Variants in CELF2 observed in about 807,000 individuals in gnomAD.
CELF2 encodes the protein CUG triplet repeat RNA-binding protein 2.
In CELF2, 8 loss-of-function variants were observed where a neutral mutation model predicts 62.6. The observed-to-expected ratio is 0.13, with a 90% CI of 0.07 to 0.23. CELF2 has a LOEUF of 0.23. Among genes scored for constraint, CELF2 ranks in the 10% least tolerant of loss-of-function variants. The pLI is 1.00. For synonymous variants in CELF2, 258 were observed against 250.0 expected (o/e 1.03, Z -0.30); for missense variants, 333 against 671.0 (o/e 0.50, Z 5.56).
chr10:11,039,469 C>T lies in CELF2; in HGVS notation c.74+21306C>T, dbSNP rs2139378876. Among the ~76,000 whole-genome samples, 1 of 152,326 alleles carries T rather than the reference C, an allele frequency of 6.6e-6. No homozygotes were observed. Among genetic ancestry groups the T allele is most frequent in the African/African-American group, 2.4e-5 (1 of 41,562 alleles). On this transcript the variant is annotated intron_variant, in intron 1 of 12. Coordinates refer to ENST00000633077, the MANE Select transcript of CELF2 (RefSeq NM_001326342.2). This position sits in a 1 kb window ranked among gnomAD's most constrained non-coding sequence, Gnocchi z 4.1. ...ATTAGGGTGGTGAGCTATGTAGTCA[C>T]GGTCACAGTGTGTACTCAAAGTACC...
At chr10:11,102,791 G>A (rs1595309206) in intron 1 of CELF2, among the ~76,000 whole-genome samples, 1 of 152,136 alleles carries the variant, frequency 6.6e-6, no homozygotes, top group African/African-American at 2.4e-5. Flanking sequence ...ACTCAACCAA[G>A]CATGCCTTGG....
At chr10:10,700,598 A>G in the CELF2 span, among the ~76,000 whole-genome samples, 1 of 152,156 alleles carries the variant, frequency 6.6e-6, no homozygotes, top group Non-Finnish European at 1.5e-5. Flanking sequence ...ACCTGAATTA[A>G]TAGACTTCTC....
chr10:10,577,366 TA>T, the CELF2 span, among the ~76,000 whole-genome samples: 4,013 of 145,258 alleles, frequency 0.028, 177 homozygotes, highest in African/African-American at 0.094. Flanking sequence ...CAAATCTTTT[TA>T]TTATTATTAT....
intron 1 of CELF2, among the ~76,000 whole-genome samples, chr10:11,123,336 A>C (rs966477812): frequency 1.1e-4 from 16 of 152,098 alleles, no homozygotes; most frequent in Admixed American, 9.2e-4. Context: ...CTGCAGCCTC[A>C]AACTTCTGGA....
chr10:10,605,516 T>C, the CELF2 span, among the ~76,000 whole-genome samples: 2 of 152,254 alleles, frequency 1.3e-5, no homozygotes, highest in African/African-American at 2.4e-5. Flanking sequence ...TCGTTATAGC[T>C]GAATACAAAT....
chr10:11,035,202 A>G (rs995521620), intron 1 of CELF2, among the ~76,000 whole-genome samples: 14 of 145,176 alleles, frequency 9.6e-5, no homozygotes, highest in Non-Finnish European at 1.5e-5. Context: ...AACCTTAAGG[A>G]AAAAAAAAAA....
chr10:11,311,610 AAAG>A lies in CELF2; in HGVS notation c.977-2528_977-2526del, dbSNP rs1345282484. On this transcript the variant is annotated intron_variant, in intron 9 of 12. Coordinates refer to ENST00000633077, the MANE Select transcript of CELF2 (RefSeq NM_001326342.2). The surrounding 1 kb of genome is among the most constrained non-coding windows in gnomAD (Gnocchi z 4.7). ...ATATTAAAAGAATTTGAAAAGCGAAAAAGCCACTGATTATGAAAAATGACCAAT... is the reference window on the plus strand; with the variant it reads ...ATATTAAAAGAATTTGAAAAGCGAAACCACTGATTATGAAAAATGACCAAT... Among the ~76,000 whole-genome samples, 1 of 152,240 alleles carries A rather than the reference AAAG, an allele frequency of 6.6e-6. No homozygotes were observed. Among genetic ancestry groups the A allele is most frequent in the Non-Finnish European group, 1.5e-5 (1 of 68,038 alleles).
intron 1 of CELF2, among the ~76,000 whole-genome samples, chr10:10,839,408 G>A (rs2058529224): frequency 6.6e-6 from 1 of 152,120 alleles, no homozygotes; most frequent in African/African-American, 2.4e-5. Context: ...CACTCTAACA[G>A]TGAGACACCT....
chr10:11,018,376 C>T (rs898310654), intron 1 of CELF2, among the ~76,000 whole-genome samples: 8 of 151,570 alleles, frequency 5.3e-5, no homozygotes, highest in Non-Finnish European at 1.2e-4. Context: ...CGGGGCTTCC[C>T]GGAGGGACGA....
At chr10:11,020,082 G>A (rs1011052041) in intron 1 of CELF2, among the ~76,000 whole-genome samples, 1 of 152,170 alleles carries the variant, frequency 6.6e-6, no homozygotes, top group Admixed American at 6.5e-5. Flanking sequence ...TTTTCATTTG[G>A]TGGATGAATG....
At chr10:10,973,144 G>T (rs1020329975) in intron 2 of CELF2, among the ~76,000 whole-genome samples, 2 of 151,864 alleles carry the variant, frequency 1.3e-5, no homozygotes, top group Non-Finnish European at 2.9e-5. Context: ...TAAAAAATTA[G>T]CCAGTCTTGG....
intron 1 of CELF2, among the ~76,000 whole-genome samples, chr10:10,833,997 A>G (rs1359503084): frequency 6.6e-6 from 1 of 152,212 alleles, no homozygotes; most frequent in Non-Finnish European, 1.5e-5. Context: ...ATTCTACCAT[A>G]AAGACACTTG....
chr10:10,686,704 G>A, the CELF2 span, among the ~76,000 whole-genome samples: 8 of 152,058 alleles, frequency 5.3e-5, no homozygotes, highest in African/African-American at 1.9e-4. Flanking sequence ...CTTCCGCCAT[G>A]ATCGTGAGTT....
the CELF2 span, among the ~76,000 whole-genome samples, chr10:10,736,387 T>TCTTC: frequency 3.5e-5 from 3 of 85,536 alleles, no homozygotes; most frequent in African/African-American, 1.4e-4. Context: ...TTTCTTTCTT[T>TCTTC]CTTTCTTTCT....
chr10:11,313,339 A>T (rs2094690783), intron 9 of CELF2, among the ~76,000 whole-genome samples: 1 of 152,250 alleles, frequency 6.6e-6, no homozygotes, highest in South Asian at 2.1e-4. Context: ...AGACGTTCAC[A>T]TGCTTCTTCC....
At chr10:10,875,342 A>G (rs180830825) in intron 1 of CELF2, among the ~76,000 whole-genome samples, 7 of 152,354 alleles carry the variant, frequency 4.6e-5, no homozygotes, top group Admixed American at 6.5e-5. Flanking sequence ...GTTTTGGTTC[A>G]TCTATCACTT....
chr10:10,548,259 G>A, the CELF2 span, among the ~76,000 whole-genome samples: 19 of 152,122 alleles, frequency 1.2e-4, no homozygotes, highest in African/African-American at 1.9e-4. Flanking sequence ...ATTCATTGTC[G>A]AGCTCCCAAT....
chr10:11,259,083 A>G (rs536910085), intron 5 of CELF2, among the ~76,000 whole-genome samples: 55 of 152,344 alleles, frequency 3.6e-4, no homozygotes, highest in African/African-American at 1.3e-3. Flanking sequence ...CTTTGGGGCA[A>G]ATGAGGAACT....
At chr10:11,184,020 T>A (rs2074191145) in intron 2 of CELF2, among the ~76,000 whole-genome samples, 1 of 152,264 alleles carries the variant, frequency 6.6e-6, no homozygotes, top group Admixed American at 6.5e-5. Context: ...CTATATTTTC[T>A]TCTAGAAGTG....
Sources: allele counts gnomAD v4.1 joint callset (sites outside exome capture counted in the v4.1 genomes callset), GRCh38; gene constraint gnomAD v4.1.1; non-coding constraint Gnocchi (gnomAD v3.1); transcripts MANE v1.5; gene names NCBI Gene and HGNC (gene_info 2026-07-23, HGNC 2026-07-21).